The following POLG2 variants were observed in gnomAD, a reference collection of about 807,000 sequenced individuals.
POLG2 encodes the protein DNA polymerase gamma 2, accessory subunit, also known as DNA polymerase subunit gamma-2.
A neutral mutation model predicts 56.5 loss-of-function variants in POLG2; 50 were observed. That is an observed-to-expected ratio of 0.88 (90% CI 0.71 to 1.12). The LOEUF (loss-of-function observed/expected upper bound fraction) is 1.12. Among genes scored for constraint, POLG2 ranks in the 50% most tolerant of loss-of-function variants. The probability of loss-of-function intolerance (pLI) is 0.00; values close to 1 mark genes in which losing one functional copy is unlikely to be tolerated. For synonymous variants in POLG2, 226 were observed against 222.6 expected, an observed-to-expected ratio of 1.02 and a Z score of -0.14; for missense variants, 584 against 583.3, an observed-to-expected ratio of 1.00 and a Z score of -0.01.
Position 64,496,967 on chromosome 17 carries a change from ATC to A in POLG2, c.-1_1del. On this transcript the variant is annotated start_lost and start_retained_variant and 5_prime_UTR_variant, in exon 1 of 8. Transcript: ENST00000539111. ...GGCCCTGACGGCTACACGAGAGCGC[ATC>A]TCTCTCCGAAGTTAAAGAGCACACT... 6.2e-7 allele frequency: 1 copy of A among 1,604,482 alleles called. No individual in the cohort carries two copies. Among genetic ancestry groups the A allele is most frequent in the Non-Finnish European group, 8.5e-7 (1 of 1,179,796 alleles).
chr17:64,477,856 C>T lies in POLG2; in HGVS notation c.1425G>A (p.Leu475=). The T allele has an allele frequency of 3.1e-6, 5 of 1,608,296 alleles. No individual in the cohort carries two copies. Among genetic ancestry groups the T allele is most frequent in the Non-Finnish European group, 4.2e-6 (5 of 1,177,442 alleles). Residue 475 remains leucine, a synonymous_variant, in exon 8 of 8, where the codon TTG becomes TTA. Coordinates refer to ENST00000539111, the MANE Select transcript of POLG2 (RefSeq NM_007215.4). ...TCTTAGCTGATGATATATACTTAAT[C>T]AAAAAGTCTTTTAATTTGGATATAT... ...MMHISKLKDF[L]IKYISSAKNV is the part of the protein sequence containing the mutation.
At position 64,492,716 on chromosome 17, in the gene POLG2, T is replaced by C. The variant is rs2038082658; in HGVS notation, c.746A>G (p.Asn249Ser). Residue 249 changes from asparagine (N) to serine (S), a missense_variant, in exon 3 of 8, where the codon AAC (asparagine) becomes AGC (serine). Physicochemically the swap from Asn to Ser is conservative, Grantham distance 46. Coordinates refer to ENST00000539111, the MANE Select transcript of POLG2 (RefSeq NM_007215.4). ...ACGTAACCAGAAATCAAGCCACTGG[T>C]TTGAAGTTCTCGGAGGAGTAAACCA... The part of the protein sequence containing the change: ...LVWFTPPRTS[N>S]QWLDFWLRHR... The C allele has an allele frequency of 1.9e-6, 3 of 1,613,334 alleles. No individual in the cohort carries two copies. In the East Asian group the frequency reaches 6.7e-5, roughly 36 times the overall value.
chr17:64,482,097 T>A (rs1046478696), intron 6 of POLG2, among the ~76,000 whole-genome samples: 2 of 117,160 alleles, frequency 1.7e-5, no homozygotes, highest in Non-Finnish European at 3.7e-5. Context: ...TAATTAAAGC[T>A]TTTTTTTTTT....
chr17:64,483,062 T>C, intron 5 of POLG2, 63 bp from the exon 6 acceptor site: 1 of 819,830 alleles, frequency 1.2e-6, no homozygotes, highest in Non-Finnish European at 2.1e-6. Context: ...TTTGTTTAAA[T>C]ATAACACAAG....
chr17:64,493,128 C>A, intron 1 of POLG2, 107 bp from the exon 2 acceptor site: 1 of 1,248,406 alleles, frequency 8.0e-7, no homozygotes, highest in Non-Finnish European at 1.2e-6. Flanking sequence ...AGCATAAAGA[C>A]AGATGTTGGC....
chr17:64,485,575 T>C (rs782782147), intron 5 of POLG2, 153 bp downstream of exon 5: 12 of 668,618 alleles, frequency 1.8e-5, no homozygotes, highest in Non-Finnish European at 3.2e-5. Flanking sequence ...CTTATTCCTG[T>C]GGCCAGATTC....
At chr17:64,495,849 C>T (rs2038142338) in intron 1 of POLG2, among the ~76,000 whole-genome samples, 1 of 151,976 alleles carries the variant, frequency 6.6e-6, no homozygotes, top group African/African-American at 2.4e-5. Context: ...GCTGGGATTA[C>T]AGGCGCTCGC....
chr17:64,488,272 C>T (rs958856231), intron 4 of POLG2, among the ~76,000 whole-genome samples: 8 of 152,116 alleles, frequency 5.3e-5, no homozygotes, highest in Admixed American at 4.6e-4. Context: ...GACAGAAATT[C>T]TACTTAATAT....
At chr17:64,491,290 A>C (rs2038053854) in intron 3 of POLG2, among the ~76,000 whole-genome samples, 1 of 152,120 alleles carries the variant, frequency 6.6e-6, no homozygotes, top group Non-Finnish European at 1.5e-5. Context: ...GCTGAAATTT[A>C]ATTTTTAAAA....
chr17:64,490,543 C>T (rs1434564422), intron 4 of POLG2: 4 of 479,054 alleles, frequency 8.3e-6, no homozygotes, highest in African/African-American at 5.9e-5. Context: ...ACATGAAAGA[C>T]AAGATCTTGG....
intron 6 of POLG2, 30 bp downstream of exon 6, chr17:64,482,889 T>C: frequency 8.1e-7 from 1 of 1,236,744 alleles, no homozygotes; most frequent in Non-Finnish European, 1.2e-6. Context: ...AATCTGTAAT[T>C]AAAATGACAT....
chr17:64,483,038 G>A, intron 5 of POLG2, 39 bp from the exon 6 acceptor site: 1 of 999,092 alleles, frequency 1.0e-6, no homozygotes, highest in Non-Finnish European at 1.6e-6. Flanking sequence ...GACAGGAAAG[G>A]GGAAAAAGCA....
chr17:64,485,224 G>T, intron 5 of POLG2: 1 of 156,154 alleles, frequency 6.4e-6, no homozygotes, highest in Non-Finnish European at 1.4e-5. Context: ...TTCTCCTCTC[G>T]ATTTTCTTTG....
chr17:64,482,936 T>C lies in POLG2; in HGVS notation c.1174A>G (p.Thr392Ala), dbSNP rs1555666794. The C allele has an allele frequency of 6.3e-7, 1 of 1,592,330 alleles. No homozygotes were observed. The highest frequency in any genetic ancestry group is 1.3e-5 in the African/African-American group (1 of 74,246). ...KVALDVGRGPTLELRQVCQGL... is the reference protein window; with the variant it reads ...KVALDVGRGPALELRQVCQGL... ...TAACTCACCTGTCTTAGTTCCAATG[T>C]GGGGCCTCTTCCTACATCCAAAGCA... Residue 392 changes from threonine (T) to alanine (A), a missense_variant, in exon 6 of 8, where the codon ACA becomes GCA. Physicochemically the swap from Thr to Ala is moderately conservative, Grantham distance 58 (BLOSUM62 0). Coordinates refer to ENST00000539111, the MANE Select transcript of POLG2 (RefSeq NM_007215.4).
intron 3 of POLG2, chr17:64,491,520 A>C: frequency 6.6e-7 from 1 of 1,525,758 alleles, no homozygotes; most frequent in Non-Finnish European, 9.0e-7. Flanking sequence ...TAAAAAAACC[A>C]AGATGGAGTC....
rs1555669551 is a variant in POLG2 at position 64,496,559 on chromosome 17, G to A, written c.410C>T (p.Pro137Leu). 2 of 1,613,854 alleles carry A rather than the reference G, an allele frequency of 1.2e-6. No homozygotes were observed. Among genetic ancestry groups the A allele is most frequent in the Non-Finnish European group, 1.7e-6 (2 of 1,179,814 alleles). ...GAAGGCACTGTCCCCGGGTAGCAAA[G>A]GGCCTGGTTTGTGGTGGAGGGCGTC... ...PVDALHHKPG[P>L]LLPGDSAFRL... The change falls in exon 1 of 8, where the codon CCT becomes CTT. Residue 137 changes from proline (P) to leucine (L), a missense_variant. By Grantham distance (98) the Pro-to-Leu change is moderately conservative. Coordinates refer to ENST00000539111, the MANE Select transcript of POLG2 (RefSeq NM_007215.4).
Position 64,492,950 on chromosome 17 carries a change from C to G in POLG2, c.634G>C (p.Gly212Arg). 1 of 1,613,934 alleles carries G rather than the reference C, an allele frequency of 6.2e-7. No individual in the cohort carries two copies. The highest frequency in any genetic ancestry group is 8.5e-7 in the Non-Finnish European group (1 of 1,179,824). Reference sequence around the variant, plus strand: ...TCAAAAACAGGATGAAAACACACTCCAATCTGAGCAAGGCCATAAGGTAGC... The same window carrying G: ...TCAAAAACAGGATGAAAACACACTCGAATCTGAGCAAGGCCATAAGGTAGC... ...KRLPYGLAQI[G>R]VCFHPVFDTK... Residue 212 changes from glycine to arginine, a missense_variant, in exon 2 of 8, where the codon GGA becomes CGA. Transcript: ENST00000539111.
intron 7 of POLG2, among the ~76,000 whole-genome samples, 158 bp downstream of exon 7, chr17:64,480,131 A>C (rs1001403478): frequency 1.3e-5 from 2 of 152,244 alleles, no homozygotes; most frequent in African/African-American, 4.8e-5. Context: ...CTGCTGAGGC[A>C]ATTAACTAAA....
intron 7 of POLG2, among the ~76,000 whole-genome samples, chr17:64,478,646 C>G (rs2037806112): frequency 6.6e-6 from 1 of 152,056 alleles, no homozygotes; most frequent in South Asian, 2.1e-4. Context: ...GCCTGTAATC[C>G]CAGCACTTTG....
Sources: allele counts gnomAD v4.1 joint callset (sites outside exome capture counted in the v4.1 genomes callset), GRCh38; gene constraint gnomAD v4.1.1; transcripts MANE v1.5; gene names NCBI Gene and HGNC (gene_info 2026-07-23, HGNC 2026-07-21).